RANBP17: variants seen among roughly 807,000 people sequenced by gnomAD.
The protein encoded by RANBP17 is RAN binding protein 17.
In RANBP17, 158 loss-of-function variants were observed where a neutral mutation model predicts 141.2. The ratio of observed to expected loss-of-function variants is 1.12; its 90% CI spans 0.98 to 1.28. RANBP17 has a LOEUF of 1.28. Among genes scored for constraint, RANBP17 ranks in the 50% most tolerant of loss-of-function variants. RANBP17 has a pLI of 0.00. For synonymous variants in RANBP17, 430 were observed against 450.0 expected (o/e 0.96, Z 0.56); for missense variants, 1,438 against 1,290.7 (o/e 1.11, Z -1.75).
chr5:171,111,598 G>T (rs1419408449), intron 14 of RANBP17, among the ~76,000 whole-genome samples: 1 of 152,034 alleles, frequency 6.6e-6, no homozygotes, highest in Non-Finnish European at 1.5e-5. Context: ...CCAAGACCTA[G>T]CCCAAAACAG....
intron 16 of RANBP17, among the ~76,000 whole-genome samples, chr5:171,173,069 A>G (rs1303266015): frequency 6.6e-6 from 1 of 151,992 alleles, no homozygotes; most frequent in Non-Finnish European, 1.5e-5. Context: ...TTAGAAATAT[A>G]TATTAGTTCA....
At chr5:171,284,951 G>A (rs1013171493) in intron 25 of RANBP17, among the ~76,000 whole-genome samples, 3 of 152,012 alleles carry the variant, frequency 2.0e-5, no homozygotes, top group Non-Finnish European at 2.9e-5. Flanking sequence ...GCCCAAACTC[G>A]TTTCTATATT....
chr5:171,255,741 G>A (rs1285955914), intron 24 of RANBP17, among the ~76,000 whole-genome samples: 1 of 152,200 alleles, frequency 6.6e-6, no homozygotes, highest in Non-Finnish European at 1.5e-5. Context: ...AAAGCGTTGT[G>A]AGGTTATATG....
intron 13 of RANBP17, among the ~76,000 whole-genome samples, chr5:170,957,780 G>GT (rs1321372684): frequency 6.6e-6 from 1 of 152,196 alleles, no homozygotes; most frequent in African/African-American, 2.4e-5. Context: ...TTGGGTACCA[G>GT]TGGGAGTACT....
rs1321323776 is a variant in RANBP17 at position 170,876,353 on chromosome 5, G to A, written c.19-1744G>A. Reference sequence around the variant, plus strand: ...TTCTTCTCAGTGGGAGCCTCCGATCGCCACTGCTTCTAGTTGGCCATCTTG... The same window carrying A: ...TTCTTCTCAGTGGGAGCCTCCGATCACCACTGCTTCTAGTTGGCCATCTTG... On this transcript the variant is annotated intron_variant, in intron 1 of 27. Transcript: ENST00000523189. Among the ~76,000 whole-genome samples, 19 of 151,986 alleles carry A rather than the reference G, an allele frequency of 1.3e-4. 1 individual carries two copies. The highest frequency in any genetic ancestry group is 1.0e-3 in the Admixed American group (16 of 15,262).
intron 14 of RANBP17, among the ~76,000 whole-genome samples, chr5:171,162,855 C>T (rs1486410586): frequency 2.0e-5 from 3 of 152,010 alleles, no homozygotes; most frequent in Non-Finnish European, 2.9e-5. Flanking sequence ...GGATGTGGAG[C>T]GAAGGAAATG....
chr5:171,178,710 A>T (rs1273694895), intron 16 of RANBP17, among the ~76,000 whole-genome samples: 1 of 152,126 alleles, frequency 6.6e-6, no homozygotes, highest in Non-Finnish European at 1.5e-5. Context: ...AATGATCACC[A>T]TTCTAACTGG....
intron 24 of RANBP17, among the ~76,000 whole-genome samples, chr5:171,249,685 A>C (rs1010152575): frequency 2.0e-5 from 3 of 152,182 alleles, no homozygotes; most frequent in Admixed American, 1.3e-4. Context: ...CAGAACTTGA[A>C]GACAGGACTT....
intron 14 of RANBP17, among the ~76,000 whole-genome samples, chr5:171,103,466 A>C (rs887099315): frequency 2.6e-5 from 4 of 152,312 alleles, no homozygotes; most frequent in African/African-American, 9.6e-5. Flanking sequence ...AAGCTCAAGC[A>C]TCCCAGGTCG....
intron 8 of RANBP17, among the ~76,000 whole-genome samples, chr5:170,915,161 A>T (rs1323093701): frequency 6.6e-6 from 1 of 152,162 alleles, no homozygotes; most frequent in African/African-American, 2.4e-5. Context: ...CCATGGTTTC[A>T]TGTAATTATG....
At chr5:170,941,586 T>C (rs1335078625) in intron 12 of RANBP17, among the ~76,000 whole-genome samples, 1 of 152,136 alleles carries the variant, frequency 6.6e-6, no homozygotes, top group Non-Finnish European at 1.5e-5. Context: ...ATGGGAAGAA[T>C]TCTTACAAAT....
chr5:170,965,096 G>A (rs566989870), intron 13 of RANBP17, among the ~76,000 whole-genome samples: 37 of 152,226 alleles, frequency 2.4e-4, no homozygotes, highest in Middle Eastern at 3.4e-3. Flanking sequence ...CATTCTAACT[G>A]GTGTGAGATG....
chr5:171,267,795 A>T (rs1269482700), intron 25 of RANBP17, among the ~76,000 whole-genome samples: 1 of 152,024 alleles, frequency 6.6e-6, no homozygotes, highest in Non-Finnish European at 1.5e-5. Context: ...ACAGAGCTCC[A>T]TCTCAAAAAA....
intron 14 of RANBP17, among the ~76,000 whole-genome samples, chr5:171,138,058 T>C (rs921439325): frequency 1.3e-5 from 2 of 152,012 alleles, no homozygotes; most frequent in South Asian, 4.2e-4. Flanking sequence ...CTTTTAGAGC[T>C]TTAGTATTCT....
At chr5:170,982,374 C>T (rs1777831924) in intron 14 of RANBP17, among the ~76,000 whole-genome samples, 1 of 151,972 alleles carries the variant, frequency 6.6e-6, no homozygotes, top group African/African-American at 2.4e-5. Flanking sequence ...AATAGCTAGC[C>T]TCTTGAAGAA....
At chr5:170,988,857 G>A (rs4521494) in intron 14 of RANBP17, among the ~76,000 whole-genome samples, 96,940 of 151,500 alleles carry the variant, frequency 0.64, 31,766 homozygotes, top group South Asian at 0.89. Context: ...TTATTTGACT[G>A]GAAAAAAATT....
At chr5:171,247,573 T>A (rs1765283621) in intron 24 of RANBP17, among the ~76,000 whole-genome samples, 1 of 152,146 alleles carries the variant, frequency 6.6e-6, no homozygotes, top group Non-Finnish European at 1.5e-5. Context: ...ACAAAAAATT[T>A]TAGTTAATTT....
chr5:171,199,866 T>C, intron 19 of RANBP17, 93 bp downstream of exon 19: 1 of 645,242 alleles, frequency 1.5e-6, no homozygotes, highest in Non-Finnish European at 2.6e-6. Context: ...TGTGTACTCT[T>C]TGCCTCCTCA....
At chr5:171,263,842 C>G (rs961444499) in intron 24 of RANBP17, among the ~76,000 whole-genome samples, 3 of 152,144 alleles carry the variant, frequency 2.0e-5, no homozygotes, top group Non-Finnish European at 4.4e-5. Context: ...GCTGGCAGAT[C>G]GCTTGAGCTC....
Sources: gnomAD v4.1 joint callset for allele counts (sites outside exome capture counted in the v4.1 genomes callset) on GRCh38, gnomAD v4.1.1 for gene constraint, MANE v1.5 for transcripts, NCBI Gene and HGNC (gene_info 2026-07-23, HGNC 2026-07-21) for gene names.